Variants in TBC1D22B observed in about 807,000 individuals in gnomAD.
The protein encoded by TBC1D22B is chromosome 6 open reading frame 197.
TBC1D22B carries 32 observed loss-of-function variants against 69.1 expected under a neutral mutation model. That is an observed-to-expected ratio of 0.46 (90% confidence interval 0.35 to 0.62). The LOEUF (loss-of-function observed/expected upper bound fraction) is 0.62, where lower values mean the gene tolerates loss of function less well. Among genes scored for constraint, TBC1D22B ranks in the 20% least tolerant of loss-of-function variants. The pLI, the probability that TBC1D22B is intolerant of heterozygous loss-of-function variation, is 0.00. For synonymous variants in TBC1D22B, 206 were observed against 229.8 expected (o/e 0.90, Z 0.94); for missense variants, 462 against 630.9 (o/e 0.73, Z 2.87).
chr6:37,282,745 T>C (rs1766875680), intron 4 of TBC1D22B, 137 bp from the exon 5 acceptor site: 1 of 850,476 alleles, frequency 1.2e-6, no homozygotes, highest in Admixed American at 2.1e-5. Flanking sequence ...TGTTTTGGGC[T>C]TTTCACTGTG....
intron 12 of TBC1D22B, among the ~76,000 whole-genome samples, chr6:37,322,006 C>T (rs1054779007): frequency 3.9e-5 from 6 of 152,150 alleles, no homozygotes; most frequent in East Asian, 3.8e-4. Context: ...TAAGAGCGCT[C>T]GAACCTACCT....
intron 12 of TBC1D22B, chr6:37,324,330 C>T (rs906604700): frequency 2.2e-6 from 1 of 456,674 alleles, no homozygotes; most frequent in East Asian, 6.9e-5. Context: ...CTGGGAAAGA[C>T]CAAGAAGAGG....
At chr6:37,299,836 C>T (rs1290816326) in intron 8 of TBC1D22B, among the ~76,000 whole-genome samples, 1 of 151,948 alleles carries the variant, frequency 6.6e-6, no homozygotes, top group Non-Finnish European at 1.5e-5. Flanking sequence ...ATGGCAAAAC[C>T]CGTCTCTACC....
rs554559273 is a variant in TBC1D22B at position 37,299,196 on chromosome 6, T to C, written c.982+7839T>C. On this transcript the variant is annotated intron_variant, in intron 8 of 12. Coordinates refer to ENST00000373491, the MANE Select transcript of TBC1D22B (RefSeq NM_017772.4). Reference sequence around the variant, plus strand: ...GTGATATTATGTATCTTTTCTCATCTGTATTATCATTTTCTTTTGTGGTCT... The same window carrying C: ...GTGATATTATGTATCTTTTCTCATCCGTATTATCATTTTCTTTTGTGGTCT... Among the ~76,000 whole-genome samples, 5 of 152,376 alleles carry C rather than the reference T, an allele frequency of 3.3e-5. No individual in the cohort carries two copies. The East Asian group carries it at 9.6e-4, about 29-fold the overall frequency.
intron 2 of TBC1D22B, among the ~76,000 whole-genome samples, chr6:37,271,644 T>TA (rs1369148873): frequency 2.3e-4 from 35 of 152,350 alleles, no homozygotes; most frequent in Non-Finnish European, 1.2e-4. Context: ...TAATATACGT[T>TA]AAAGTATTTT....
At chr6:37,313,266 G>A (rs1307159764) in intron 9 of TBC1D22B, among the ~76,000 whole-genome samples, 1 of 152,196 alleles carries the variant, frequency 6.6e-6, no homozygotes, top group Admixed American at 6.5e-5. Context: ...AAGACTGGAG[G>A]ATCGCTTGAG....
intron 1 of TBC1D22B, among the ~76,000 whole-genome samples, chr6:37,268,634 G>T (rs1198219135): frequency 6.6e-6 from 1 of 152,156 alleles, no homozygotes; most frequent in Admixed American, 6.5e-5. Context: ...AAACTTCTGT[G>T]TCTATTTGCT....
At chr6:37,316,902 A>T in intron 11 of TBC1D22B, 72 bp downstream of exon 11, 1 of 1,605,200 alleles carries the variant, frequency 6.2e-7, no homozygotes, top group South Asian at 1.1e-5. Context: ...ATGTTGTGGA[A>T]TGTAGCTGCT....
chr6:37,327,654 CAG>C (rs1414626998), intron 12 of TBC1D22B, among the ~76,000 whole-genome samples: 2 of 152,200 alleles, frequency 1.3e-5, no homozygotes, highest in East Asian at 3.9e-4. Flanking sequence ...CAGCTAAAGG[CAG>C]AGTTTTTAAA....
At chr6:37,263,139 A>G (rs534878894) in intron 1 of TBC1D22B, among the ~76,000 whole-genome samples, 1 of 152,330 alleles carries the variant, frequency 6.6e-6, no homozygotes, top group East Asian at 1.9e-4. Context: ...GCCTGCTGGT[A>G]TGTGTCATGC....
At chr6:37,278,518 T>A (rs1006689290) in intron 2 of TBC1D22B, among the ~76,000 whole-genome samples, 3 of 152,038 alleles carry the variant, frequency 2.0e-5, no homozygotes, top group African/African-American at 7.3e-5. Flanking sequence ...ATGTCTAAAA[T>A]GGGGGTGGGG....
At chr6:37,258,510 C>T (rs992976869) in intron 1 of TBC1D22B, among the ~76,000 whole-genome samples, 1 of 151,914 alleles carries the variant, frequency 6.6e-6, no homozygotes, top group Non-Finnish European at 1.5e-5. Context: ...CTTGAGTTGG[C>T]CCTTTCCCAC....
At position 37,263,010 on chromosome 6, in the gene TBC1D22B, ATGTGG is replaced by A. The variant is rs1291648930; in HGVS notation, c.56+5042_56+5046del. Among the ~76,000 whole-genome samples, 4 of 152,276 alleles carry A rather than the reference ATGTGG, an allele frequency of 2.6e-5. No homozygotes were observed. In the East Asian group the frequency reaches 7.7e-4, roughly 29 times the overall value. On this transcript the variant is annotated intron_variant, in intron 1 of 12. Coordinates refer to ENST00000373491, the MANE Select transcript of TBC1D22B (RefSeq NM_017772.4). ...TTCCATGGCATTCTTTTCTCTGCAT[ATGTGG>A]TGTGATTTCTTCGAGATGCAGTGTG...
chr6:37,328,416 C>A (rs1052164494), intron 12 of TBC1D22B, among the ~76,000 whole-genome samples: 7 of 152,102 alleles, frequency 4.6e-5, no homozygotes, highest in Non-Finnish European at 8.8e-5. Flanking sequence ...AGGCTTTGTG[C>A]ATAAAGATGT....
intron 10 of TBC1D22B, among the ~76,000 whole-genome samples, chr6:37,315,408 G>A (rs1420320586): frequency 6.6e-6 from 1 of 151,886 alleles, no homozygotes; most frequent in Non-Finnish European, 1.5e-5. Context: ...AATTTAAGAA[G>A]TAGCTGGGCA....
In TBC1D22B at chr6:37,317,588, G is replaced by A. The variant is rs1023139038; in HGVS notation, c.1389+382G>A. 9.2e-5 allele frequency among the ~76,000 whole-genome samples: 14 copies of A among 152,192 alleles called. 1 individual carries two copies. The highest frequency in any genetic ancestry group is 7.3e-5 in the Non-Finnish European group (5 of 68,038). On this transcript the variant is annotated intron_variant, in intron 12 of 12. Coordinates refer to ENST00000373491, the MANE Select transcript of TBC1D22B (RefSeq NM_017772.4). ...GCTTACGTACTCTGATAGTTGTGGGGAGACATACAGTAAATAACATCATAG... is the reference window on the plus strand; with the variant it reads ...GCTTACGTACTCTGATAGTTGTGGGAAGACATACAGTAAATAACATCATAG...
chr6:37,306,501 C>G (rs1767723232), intron 8 of TBC1D22B, among the ~76,000 whole-genome samples: 1 of 152,156 alleles, frequency 6.6e-6, no homozygotes, highest in Non-Finnish European at 1.5e-5. Context: ...TGTGCTGGAC[C>G]TTGCCTTTCC....
At chr6:37,314,340 C>T (rs1272981561) in intron 10 of TBC1D22B, among the ~76,000 whole-genome samples, 1 of 152,238 alleles carries the variant, frequency 6.6e-6, no homozygotes, top group Non-Finnish European at 1.5e-5. Flanking sequence ...AGCATCCAGC[C>T]TGTCGTCCGG....
At position 37,287,011 on chromosome 6, in the gene TBC1D22B, A is replaced by C; in HGVS notation, c.806A>C (p.His269Pro). 1.3e-6 allele frequency: 2 copies of C among 1,597,984 alleles called. No homozygotes were observed. Among genetic ancestry groups the C allele is most frequent in the South Asian group, 1.1e-5 (1 of 87,390 alleles). ...EHHQDTYRQI[H>P]IDIPRTNPLI... ...GACATGCCTTCTCTTTTTCAGATTC[A>C]CATTGACATTCCAAGGACGAATCCT... Residue 269 changes from histidine (H) to proline (P), a missense_variant, in exon 7 of 13, where the codon CAC becomes CCC. This residue lies in a region of TBC1D22B where 225 missense variants were observed against 375.4 expected (regional missense o/e 0.60). Coordinates refer to ENST00000373491, the MANE Select transcript of TBC1D22B (RefSeq NM_017772.4).
Sources: gnomAD v4.1 joint callset for allele counts (sites outside exome capture counted in the v4.1 genomes callset) on GRCh38, gnomAD v4.1.1 for gene constraint, gnomAD v4.1.1 regional missense constraint, MANE v1.5 for transcripts, NCBI Gene and HGNC (gene_info 2026-07-23, HGNC 2026-07-21) for gene names.